RET: variants seen among roughly 807,000 people sequenced by gnomAD.
RET encodes the protein ret proto-oncogene.
RET carries 19 observed loss-of-function variants against 118.3 expected under a neutral mutation model. That is an observed-to-expected ratio of 0.16 (90% CI 0.11 to 0.24). The LOEUF (loss-of-function observed/expected upper bound fraction) is 0.24. RET is among the 10% of genes least tolerant of loss of function. RET has a pLI of 1.00. For missense variants in RET, 1,219 were observed against 1,502.1 expected, an observed-to-expected ratio of 0.81 and a Z score of 3.12; for synonymous variants, 597 against 644.1, an observed-to-expected ratio of 0.93 and a Z score of 1.11.
chr10:43,099,646 T>C (rs1161499470), intron 1 of RET, among the ~76,000 whole-genome samples: 1 of 152,202 alleles, frequency 6.6e-6, no homozygotes, highest in Non-Finnish European at 1.5e-5. Context: ...TCTCAGGATA[T>C]GGGACCTTCA....
chr10:43,113,052 G>A, intron 9 of RET, 89 bp downstream of exon 9: 1 of 1,062,146 alleles, frequency 9.4e-7, no homozygotes, highest in East Asian at 2.5e-5. Flanking sequence ...GAGTTGCCAG[G>A]GCTGTCAGTT....
intron 16 of RET, 24 bp from the exon 17 acceptor site, chr10:43,123,647 C>A: frequency 1.2e-6 from 2 of 1,614,024 alleles, no homozygotes; most frequent in South Asian, 1.1e-5. Context: ...TGGAGCCACT[C>A]ACTGGTCCTT....
In RET at chr10:43,128,135, G is replaced by GGA. The variant is rs1428704590; in HGVS notation, c.3217_3218dup (p.Ser1073ArgfsTer37). On this transcript the variant is annotated frameshift_variant, in exon 20 of 20. Transcript: ENST00000355710. LOFTEE classifies it high-confidence loss of function. Reference sequence around the variant, plus strand: ...AGGCATGTCAGACCCGAACTGGCCTGGAGAGAGTCCTGTACCACTCACGAG... The same window carrying GGA: ...AGGCATGTCAGACCCGAACTGGCCTGGAGAGAGAGTCCTGTACCACTCACGAG... 1 of 1,614,028 alleles carries GGA rather than the reference G, an allele frequency of 6.2e-7. No individual in the cohort carries two copies. Among genetic ancestry groups the GGA allele is most frequent in the African/African-American group, 1.3e-5 (1 of 74,906 alleles).
At position 43,124,943 on chromosome 10, in the gene RET, C is replaced by G; in HGVS notation, c.3000C>G (p.Asp1000Glu). 1.2e-6 allele frequency: 2 copies of G among 1,614,216 alleles called. No individual in the cohort carries two copies. Among genetic ancestry groups the G allele is most frequent in the East Asian group, 4.5e-5 (2 of 44,888 alleles). The change falls in exon 18 of 20, where the codon GAC (aspartate) becomes GAG (glutamate). Residue 1000 changes from aspartate to glutamate, a missense_variant. Physicochemically the swap from Asp to Glu is conservative, Grantham distance 45. Transcript: ENST00000355710. The part of the protein sequence containing the change: ...QEPDKRPVFA[D>E]ISKDLEKMMV... ...CGGACAAAAGGCCGGTGTTTGCGGA[C>G]ATCAGCAAAGACCTGGAGAAGATGA...
chr10:43,117,210 C>T (rs1838092992), intron 12 of RET, among the ~76,000 whole-genome samples: 3 of 152,262 alleles, frequency 2.0e-5, no homozygotes, highest in Admixed American at 2.0e-4. Flanking sequence ...CACTGAGTAG[C>T]CCCCTCTTCT....
intron 1 of RET, among the ~76,000 whole-genome samples, chr10:43,087,881 A>G (rs1015807381): frequency 6.6e-6 from 1 of 152,216 alleles, no homozygotes; most frequent in African/African-American, 2.4e-5. Context: ...GTAGGGATAG[A>G]GGTGAGATGG....
chr10:43,084,818 G>A (rs1410549954), intron 1 of RET, among the ~76,000 whole-genome samples: 1 of 152,104 alleles, frequency 6.6e-6, no homozygotes, highest in Non-Finnish European at 1.5e-5. Context: ...GCATAAGAAG[G>A]GGCCTCTCAG....
At chr10:43,083,745 G>GGGGGAAA (rs1222971563) in intron 1 of RET, among the ~76,000 whole-genome samples, 1 of 152,236 alleles carries the variant, frequency 6.6e-6, no homozygotes, top group Non-Finnish European at 1.5e-5. Context: ...GGGGGACAGA[G>GGGGGAAA]GGGGAAACAG....
intron 2 of RET, 130 bp downstream of exon 2, chr10:43,100,852 G>T: frequency 1.9e-6 from 2 of 1,041,502 alleles, no homozygotes; most frequent in African/African-American, 1.6e-5. Flanking sequence ...GGCGTCAGGG[G>T]TTAAGTGAGG....
chr10:43,126,207 G>T (rs1277979536), intron 18 of RET, among the ~76,000 whole-genome samples: 2 of 152,252 alleles, frequency 1.3e-5, no homozygotes, highest in African/African-American at 4.8e-5. Flanking sequence ...CAGCGGGCTG[G>T]TTCCGTGCTG....
chr10:43,116,201 G>C (rs773252751), intron 11 of RET, among the ~76,000 whole-genome samples: 4 of 152,226 alleles, frequency 2.6e-5, no homozygotes, highest in Admixed American at 6.5e-5. Flanking sequence ...ACATGGTGGC[G>C]CCTTTCTTTG....
chr10:43,092,213 T>C (rs73252009), intron 1 of RET, among the ~76,000 whole-genome samples: 1,707 of 152,340 alleles, frequency 0.011, 33 homozygotes, highest in African/African-American at 0.039. Context: ...GAGGGCATTA[T>C]GTCACAGAAG....
intron 1 of RET, among the ~76,000 whole-genome samples, chr10:43,092,114 G>C (rs1837424230): frequency 6.6e-6 from 1 of 152,196 alleles, no homozygotes; most frequent in Admixed American, 6.5e-5. Flanking sequence ...GAATGGATAA[G>C]CAAAATATAA....
intron 11 of RET, among the ~76,000 whole-genome samples, chr10:43,115,386 A>G (rs1405409190): frequency 6.6e-6 from 1 of 152,130 alleles, no homozygotes; most frequent in Admixed American, 6.5e-5. Flanking sequence ...GAGGGGCCAT[A>G]TCCCACAGTG....
At chr10:43,117,841 C>T (rs541656036) in intron 12 of RET, among the ~76,000 whole-genome samples, 5 of 152,292 alleles carry the variant, frequency 3.3e-5, no homozygotes, top group Admixed American at 1.3e-4. Context: ...TGGTAACTAA[C>T]GGAGTGTGAG....
At chr10:43,079,775 G>A (rs971456939) in intron 1 of RET, among the ~76,000 whole-genome samples, 1 of 152,162 alleles carries the variant, frequency 6.6e-6, no homozygotes, top group African/African-American at 2.4e-5. Context: ...ACCACCCTCT[G>A]CAGAGGGCCT....
intron 6 of RET, among the ~76,000 whole-genome samples, chr10:43,110,081 C>T (rs1837881684): frequency 6.6e-6 from 1 of 152,110 alleles, no homozygotes; most frequent in Admixed American, 6.5e-5. Context: ...TTGGACATAT[C>T]TAAGCTCCCC....
intron 18 of RET, 60 bp downstream of exon 18, chr10:43,125,042 C>T (rs1838301396): frequency 6.7e-7 from 1 of 1,488,028 alleles, no homozygotes; most frequent in African/African-American, 1.4e-5. Flanking sequence ...TCCAGCCTCA[C>T]CCCAGGGCAG....
chr10:43,119,859 C>A, intron 14 of RET, 114 bp downstream of exon 14: 1 of 1,306,046 alleles, frequency 7.7e-7, no homozygotes, highest in Non-Finnish European at 1.1e-6. Flanking sequence ...CACACTCTAG[C>A]CCACCATGCC....
Sources: allele counts gnomAD v4.1 joint callset (sites outside exome capture counted in the v4.1 genomes callset), GRCh38; gene constraint gnomAD v4.1.1; transcripts MANE v1.5; gene names NCBI Gene and HGNC (gene_info 2026-07-23, HGNC 2026-07-21).